The following SCN9A variants were observed in gnomAD, a reference collection of about 807,000 sequenced individuals.
SCN9A encodes sodium channel protein type 9 subunit alpha.
In SCN9A, 131 loss-of-function variants were observed where a neutral mutation model predicts 187.0. The ratio of observed to expected loss-of-function variants is 0.70; its 90% CI spans 0.61 to 0.81. SCN9A has a LOEUF of 0.81. Among genes scored for constraint, SCN9A ranks in the 30% least tolerant of loss-of-function variants. The pLI is 0.00. For synonymous variants in SCN9A, 809 were observed against 808.6 expected, an observed-to-expected ratio of 1.00 and a Z score of -0.01; for missense variants, 2,252 against 2,396.6, an observed-to-expected ratio of 0.94 and a Z score of 1.26.
intron 21 of SCN9A, among the ~76,000 whole-genome samples, chr2:166,230,486 T>A (rs78734943): frequency 0.021 from 3,153 of 152,272 alleles, 120 homozygotes; most frequent in African/African-American, 0.073. Context: ...ACGTAGGCAC[T>A]CTGATACATC....
At chr2:166,250,841 C>T (rs780556039) in intron 18 of SCN9A, among the ~76,000 whole-genome samples, 1 of 152,040 alleles carries the variant, frequency 6.6e-6, no homozygotes, top group African/African-American at 2.4e-5. Context: ...CTCTTAAGGG[C>T]TTGGGCCCTA....
intron 1 of SCN9A, among the ~76,000 whole-genome samples, chr2:166,348,895 G>A (rs1327874365): frequency 6.6e-6 from 1 of 152,118 alleles, no homozygotes; most frequent in African/African-American, 2.4e-5. Flanking sequence ...GGAGGCAGAG[G>A]TGGGCAGATC....
Position 166,370,220 on chromosome 2 carries a change from A to ATCATCATCATCATC in SCN9A, c.-51+5476_-51+5477insGATGATGATGATGA, listed in dbSNP as rs1553507698. Among the ~76,000 whole-genome samples the ATCATCATCATCATC allele has an allele frequency of 1.6e-3, 153 of 97,830 alleles. 1 individual carries two copies. The highest frequency in any genetic ancestry group is 2.3e-3 in the African/African-American group (49 of 21,648). 64.2% of individuals were successfully genotyped at this position (97,830 alleles called of 152,430 possible). ...TAATAATAATAATAATAATAATAAT[A>ATCATCATCATCATC]ATAATAATAATAATAATCATCATCA... is the stretch of plus-strand genomic sequence containing the variant. On this transcript the variant is annotated intron_variant, in intron 1 of 26. Transcript: ENST00000642356.
chr2:166,364,145 T>C (rs1261782055), intron 1 of SCN9A, among the ~76,000 whole-genome samples: 2 of 147,996 alleles, frequency 1.4e-5, no homozygotes, highest in Non-Finnish European at 3.0e-5. Context: ...TCACACTTGG[T>C]CGGATGGTTA....
At chr2:166,350,669 G>A (rs1298313028) in intron 1 of SCN9A, among the ~76,000 whole-genome samples, 1 of 152,092 alleles carries the variant, frequency 6.6e-6, no homozygotes, top group East Asian at 1.9e-4. Context: ...TATTTTATGA[G>A]GTCACTTTTA....
intron 1 of SCN9A, among the ~76,000 whole-genome samples, chr2:166,348,234 C>T (rs1699950096): frequency 7.3e-6 from 1 of 136,080 alleles, no homozygotes; most frequent in African/African-American, 3.4e-5. Context: ...AATAGAAAGT[C>T]TTCCAACATT....
chr2:166,226,771 T>C (rs908672297), intron 23 of SCN9A, 67 bp from the exon 24 acceptor site: 28 of 1,266,046 alleles, frequency 2.2e-5, no homozygotes, highest in Non-Finnish European at 3.0e-5. Context: ...TTCACATGGT[T>C]TGACCAGGTA....
chr2:166,358,033 CTTTT>C (rs1407306986), intron 1 of SCN9A, among the ~76,000 whole-genome samples: 1 of 137,206 alleles, frequency 7.3e-6, no homozygotes, highest in African/African-American at 2.7e-5. Flanking sequence ...GGGAATAAAA[CTTTT>C]ATTTATTTAT....
Position 166,281,700 on chromosome 2 carries a change from T to A in SCN9A, c.2083A>T (p.Ile695Leu), listed in dbSNP as rs759456399. The change falls in exon 13 of 27, where the codon ATA becomes TTA. Residue 695 changes from isoleucine to leucine, a missense_variant. Ile to Leu is a conservative substitution (Grantham distance 5). Coordinates refer to ENST00000642356, the MANE Select transcript of SCN9A (RefSeq NM_001365536.1). Reference protein sequence around the residue: ...LRQRAMSRASILTNTVEELEE... With the variant: ...LRQRAMSRASLLTNTVEELEE... ...ATACCTTCCACAGTGTTTGTTAATA[T>A]GCTTGCTCTACTCATTGCTCTCTGT... 6.2e-7 allele frequency: 1 copy of A among 1,613,346 alleles called. No homozygotes were observed. Among genetic ancestry groups the A allele is most frequent in the Non-Finnish European group, 8.5e-7 (1 of 1,179,490 alleles).
At chr2:166,252,320 C>T (rs1171127266) in intron 17 of SCN9A, among the ~76,000 whole-genome samples, 1 of 151,812 alleles carries the variant, frequency 6.6e-6, no homozygotes, top group Non-Finnish European at 1.5e-5. Flanking sequence ...TCATTGAAAG[C>T]TCAGATCAAA....
At chr2:166,203,396 A>T (rs1693638615) in intron 26 of SCN9A, among the ~76,000 whole-genome samples, 1 of 151,974 alleles carries the variant, frequency 6.6e-6, no homozygotes, top group Admixed American at 6.5e-5. Flanking sequence ...AGGAAGTATA[A>T]AATCATGTGC....
chr2:166,276,062 T>C (rs1284091652), intron 16 of SCN9A, among the ~76,000 whole-genome samples: 1 of 152,138 alleles, frequency 6.6e-6, no homozygotes, highest in African/African-American at 2.4e-5. Flanking sequence ...ACGTGGCAGA[T>C]TTGAGAATTG....
At chr2:166,281,291 T>G (rs767360898) in intron 13 of SCN9A, among the ~76,000 whole-genome samples, 56 of 152,156 alleles carry the variant, frequency 3.7e-4, no homozygotes, top group Non-Finnish European at 4.1e-4. Flanking sequence ...AGACAATTTT[T>G]GAGCGAATAT....
chr2:166,303,000 G>C (rs1461273431), intron 7 of SCN9A, 90 bp downstream of exon 7: 68 of 1,022,822 alleles, frequency 6.6e-5, no homozygotes, highest in Non-Finnish European at 4.3e-6. Flanking sequence ...GCTTTGAAAT[G>C]ATTAAAATGA....
chr2:166,309,256 C>T (rs1698863917), intron 2 of SCN9A, among the ~76,000 whole-genome samples: 1 of 152,034 alleles, frequency 6.6e-6, no homozygotes, highest in Admixed American at 6.5e-5. Context: ...TTACCTTATA[C>T]TTGAAATTTT....
At chr2:166,279,456 A>G (rs74925887) in intron 14 of SCN9A, among the ~76,000 whole-genome samples, 4,493 of 152,234 alleles carry the variant, frequency 0.03, 218 homozygotes, top group African/African-American at 0.1. Context: ...CCTCACATCC[A>G]TAGTCAAAAA....
At chr2:166,328,440 T>G (rs1699419176) in intron 1 of SCN9A, among the ~76,000 whole-genome samples, 1 of 152,134 alleles carries the variant, frequency 6.6e-6, no homozygotes, top group Admixed American at 6.6e-5. Context: ...GGTTCCAGTG[T>G]GTGTTTTTCC....
At position 166,212,660 on chromosome 2, in the gene SCN9A, C is replaced by G. The variant is rs78252747; in HGVS notation, c.4399-8196G>C. On this transcript the variant is annotated intron_variant, in intron 24 of 26. Transcript: ENST00000642356. ...ATGGATCACAAACACACAGAATATG[C>G]TACCCAACAGCATCTTAATATACCA... is the stretch of plus-strand genomic sequence containing the variant. Among the ~76,000 whole-genome samples the G allele has an allele frequency of 3.0e-3, 464 of 152,264 alleles. 1 individual carries two copies. Among genetic ancestry groups the G allele is most frequent in the African/African-American group, 0.011 (437 of 41,554 alleles).
In SCN9A at chr2:166,311,564, C is replaced by T. The variant is rs1281452286; in HGVS notation, c.193G>A (p.Asp65Asn). Residue 65 changes from aspartate to asparagine, a missense_variant, in exon 2 of 27, where the codon GAC (aspartate) becomes AAC (asparagine). By Grantham distance (23) the Asp-to-Asn change is conservative. Around this residue, in one of 7 missense-constraint regions of SCN9A, gnomAD observed 1,013 missense variants for 997.4 expected, o/e 1.02. Coordinates refer to ENST00000642356, the MANE Select transcript of SCN9A (RefSeq NM_001365536.1). Reference protein sequence around the residue: ...AGKQLPFIYGDIPPGMVSEPL... With the variant: ...AGKQLPFIYGNIPPGMVSEPL... ...TCTGACACCATGCCGGGAGGAATGT[C>T]CCCATAGATGAAGGGCAGCTGTTTG... The T allele has an allele frequency of 6.2e-7, 1 of 1,612,936 alleles. No individual in the cohort carries two copies. The highest frequency in any genetic ancestry group is 1.3e-5 in the African/African-American group (1 of 74,666).
Sources: allele counts gnomAD v4.1 joint callset (sites outside exome capture counted in the v4.1 genomes callset), GRCh38; gene constraint gnomAD v4.1.1; regional missense constraint gnomAD v4.1.1; transcripts MANE v1.5; gene names NCBI Gene and HGNC (gene_info 2026-07-23, HGNC 2026-07-21).